ULK4: variants seen among roughly 807,000 people sequenced by gnomAD.
ULK4 encodes the protein unc-51 like kinase 4, also known as inactive serine/threonine-protein kinase ULK4.
Under a neutral mutation model 160.6 loss-of-function variants are expected in ULK4, and 133 were observed. That is an observed-to-expected ratio of 0.83 (90% CI 0.72 to 0.96). The LOEUF (loss-of-function observed/expected upper bound fraction) is 0.96. Ranked by LOEUF, ULK4 falls within the 40% of genes least tolerant of loss-of-function variation. The probability of loss-of-function intolerance (pLI) is 0.00; values close to 1 mark genes in which losing one functional copy is unlikely to be tolerated. For missense variants in ULK4, 1,580 were observed against 1,499.5 expected, an observed-to-expected ratio of 1.05 and a Z score of -0.89; for synonymous variants, 534 against 539.8, an observed-to-expected ratio of 0.99 and a Z score of 0.15.
chr3:41,929,171 G>T (rs1699491807), intron 5 of ULK4, among the ~76,000 whole-genome samples: 1 of 152,172 alleles, frequency 6.6e-6, no homozygotes, highest in Non-Finnish European at 1.5e-5. Flanking sequence ...TCCCTGGGAT[G>T]CAAGGCTGGT....
chr3:41,747,640 G>A (rs2038463186), intron 22 of ULK4, among the ~76,000 whole-genome samples: 1 of 152,092 alleles, frequency 6.6e-6, no homozygotes, highest in Admixed American at 6.6e-5. Flanking sequence ...GCTGTATTTG[G>A]AGATTTAAGG....
At chr3:41,516,355 C>T (rs892809058) in intron 32 of ULK4, among the ~76,000 whole-genome samples, 8 of 152,120 alleles carry the variant, frequency 5.3e-5, no homozygotes, top group Admixed American at 5.2e-4. Flanking sequence ...ATTTACTTTT[C>T]AGCTATTAAA....
At chr3:41,466,455 C>T (rs2083836752) in intron 32 of ULK4, among the ~76,000 whole-genome samples, 1 of 152,006 alleles carries the variant, frequency 6.6e-6, no homozygotes, top group Non-Finnish European at 1.5e-5. Flanking sequence ...AACTGAGTAT[C>T]CAAATGGGGG....
chr3:41,570,696 A>C (rs1055658362), intron 31 of ULK4, among the ~76,000 whole-genome samples: 2 of 152,202 alleles, frequency 1.3e-5, no homozygotes, highest in African/African-American at 4.8e-5. Context: ...TTCTGAAGCC[A>C]ATACTCCAGC....
At chr3:41,561,145 TG>T (rs2087551783) in intron 32 of ULK4, among the ~76,000 whole-genome samples, 2 of 152,226 alleles carry the variant, frequency 1.3e-5, no homozygotes, top group Admixed American at 1.3e-4. Flanking sequence ...TCATTGATTC[TG>T]TTTACGTGAT....
rs1366248572 is a variant in ULK4 at position 41,911,380 on chromosome 3, G to A, written c.1022C>T (p.Pro341Leu). Residue 341 changes from proline (P) to leucine (L), a missense_variant, in exon 11 of 37, where the codon CCA becomes CTA. Transcript: ENST00000301831. The part of the protein sequence containing the change: ...PLGHSFRLEN[P>L]TEFRPKSTLE... The stretch of plus-strand genomic sequence containing the variant: ...AGTACTCTTAGGCCGAAACTCAGTT[G>A]GATTTTCTGTAGCAGGAAAGTAATA... The A allele has an allele frequency of 6.2e-7, 1 of 1,614,008 alleles. No individual in the cohort carries two copies. Among genetic ancestry groups the A allele is most frequent in the Non-Finnish European group, 8.5e-7 (1 of 1,179,950 alleles).
chr3:41,721,749 C>T (rs561677485), intron 22 of ULK4, among the ~76,000 whole-genome samples: 5 of 151,982 alleles, frequency 3.3e-5, no homozygotes, highest in African/African-American at 9.7e-5. Context: ...CTCAATTTCC[C>T]AGGATACCCT....
At chr3:41,336,886 TG>T (rs1324185810) in intron 35 of ULK4, among the ~76,000 whole-genome samples, 1 of 152,218 alleles carries the variant, frequency 6.6e-6, no homozygotes, top group Admixed American at 6.5e-5. Flanking sequence ...CTAACCAATC[TG>T]GAACTCAGCT....
At chr3:41,407,615 G>A (rs758645414) in intron 34 of ULK4, among the ~76,000 whole-genome samples, 1 of 152,088 alleles carries the variant, frequency 6.6e-6, no homozygotes, top group Non-Finnish European at 1.5e-5. Flanking sequence ...ATAGAATAAA[G>A]AACAAAAACT....
At chr3:41,856,549 G>A (rs1405997195) in intron 17 of ULK4, among the ~76,000 whole-genome samples, 53 of 57,956 alleles carry the variant, frequency 9.1e-4, no homozygotes, top group Non-Finnish European at 1.3e-3. Flanking sequence ...ATATATATAT[G>A]TGTATATATA....
At chr3:41,795,179 A>G (rs1485110190) in intron 20 of ULK4, among the ~76,000 whole-genome samples, 1 of 152,186 alleles carries the variant, frequency 6.6e-6, no homozygotes, top group Admixed American at 6.5e-5. Flanking sequence ...AATGTGTGTG[A>G]ATTATCTTCC....
At chr3:41,481,805 C>T (rs759248796) in intron 32 of ULK4, among the ~76,000 whole-genome samples, 25 of 121,394 alleles carry the variant, frequency 2.1e-4, no homozygotes, top group African/African-American at 3.7e-4. Flanking sequence ...CCAGCCTGGG[C>T]GACAGAGCGA....
chr3:41,416,448 G>A (rs1056315911), intron 34 of ULK4, among the ~76,000 whole-genome samples: 3 of 152,026 alleles, frequency 2.0e-5, no homozygotes, highest in South Asian at 2.1e-4. Flanking sequence ...CTAGAATGAC[G>A]CCGTCATGTA....
intron 32 of ULK4, among the ~76,000 whole-genome samples, chr3:41,546,493 T>C (rs2086867780): frequency 6.6e-6 from 1 of 152,128 alleles, no homozygotes; most frequent in Non-Finnish European, 1.5e-5. Flanking sequence ...TTCATCATCA[T>C]GTCAGTTCAG....
chr3:41,780,752 G>A (rs1227847598), intron 21 of ULK4, among the ~76,000 whole-genome samples: 1 of 152,146 alleles, frequency 6.6e-6, no homozygotes, highest in African/African-American at 2.4e-5. Context: ...GAACCCCAAA[G>A]CTATGGCTTT....
intron 32 of ULK4, among the ~76,000 whole-genome samples, chr3:41,557,718 T>C (rs531373899): frequency 1.3e-4 from 20 of 152,104 alleles, no homozygotes; most frequent in African/African-American, 4.8e-4. Context: ...TAAGCTCTGA[T>C]TGTGTTACTG....
At chr3:41,610,442 A>G (rs2032617526) in intron 31 of ULK4, among the ~76,000 whole-genome samples, 1 of 152,214 alleles carries the variant, frequency 6.6e-6, no homozygotes, top group African/African-American at 2.4e-5. Flanking sequence ...TTTTTAACGT[A>G]CTCTAAGAAC....
chr3:41,531,519 AAAAAG>A (rs1247624123), intron 32 of ULK4, among the ~76,000 whole-genome samples: 2 of 135,412 alleles, frequency 1.5e-5, no homozygotes, highest in South Asian at 2.4e-4. Flanking sequence ...AAAGAAAAAG[AAAAAG>A]AAAAAAAAAA....
At chr3:41,328,797 C>T (rs1559527184) in intron 35 of ULK4, among the ~76,000 whole-genome samples, 1 of 152,100 alleles carries the variant, frequency 6.6e-6, no homozygotes, top group South Asian at 2.1e-4. Context: ...GAAAGCCCCA[C>T]GGAGTGGGGT....
Sources: allele counts gnomAD v4.1 joint callset (sites outside exome capture counted in the v4.1 genomes callset), GRCh38; gene constraint gnomAD v4.1.1; transcripts MANE v1.5; gene names NCBI Gene and HGNC (gene_info 2026-07-23, HGNC 2026-07-21).